POM121C: variants seen among roughly 807,000 people sequenced by gnomAD.
POM121C encodes the protein POM121 transmembrane nucleoporin C.
A neutral mutation model predicts 66.4 loss-of-function variants in POM121C; 20 were observed. The ratio of observed to expected loss-of-function variants is 0.30; its 90% confidence interval spans 0.21 to 0.44. The LOEUF is 0.44. Ranked by LOEUF, POM121C falls within the 20% of genes least tolerant of loss-of-function variation. POM121C has a pLI of 1.00. For missense variants in POM121C, 580 were observed against 1,225.7 expected (o/e 0.47, Z 7.87); for synonymous variants, 286 against 528.0 (o/e 0.54, Z 6.28).
chr7:75,419,259 C>A (rs1789594769), intron 14 of POM121C, 61 bp downstream of exon 14: 2 of 1,541,480 alleles, frequency 1.3e-6, no homozygotes, highest in Non-Finnish European at 1.7e-6. Context: ...CAGGAGCCTG[C>A]CACCCCACCC....
In POM121C at chr7:75,421,960, C is replaced by A. The variant is rs202010067; in HGVS notation, c.2292G>T (p.Gln764His). ...AGTGCGTGGCACCGCCAAAGGTAGG[C>A]TGGATGGGCGTAGGCACGTGCGCAG... ...IVPAHVPTPI[Q>H]PTFGGATHSA... The change falls in exon 13 of 15, where the codon CAG becomes CAT. Residue 764 changes from glutamine to histidine, a missense_variant. Transcript: ENST00000615331. 2.2e-3 allele frequency: 3,482 copies of A among 1,613,264 alleles called. 15 individuals carry two copies. Among genetic ancestry groups the A allele is most frequent in the African/African-American group, 6.8e-3 (513 of 75,064 alleles).
chr7:75,471,763 C>G (rs1384623623), intron 3 of POM121C, among the ~76,000 whole-genome samples: 1 of 152,160 alleles, frequency 6.6e-6, no homozygotes, highest in East Asian at 1.9e-4. Context: ...ACACCTACTA[C>G]GCGCTGTCAC....
In POM121C at chr7:75,477,119, A is replaced by ACACACACACG. The variant is rs1554479501; in HGVS notation, c.-457-1932_-457-1931insCGTGTGTGTG. Among the ~76,000 whole-genome samples, 551 of 150,686 alleles carry ACACACACACG rather than the reference A, an allele frequency of 3.7e-3. 4 individuals carry two copies. The highest frequency in any genetic ancestry group is 0.013 in the African/African-American group (526 of 41,082). On this transcript the variant is annotated intron_variant, in intron 1 of 14. Coordinates refer to ENST00000615331, the MANE Select transcript of POM121C (RefSeq NM_001099415.3). Reference sequence around the variant, plus strand: ...ATACAGTTTGCGTGTATACACACACACACACACACACACACTCTTATGCCT... The same window carrying ACACACACACG: ...ATACAGTTTGCGTGTATACACACACACACACACACGCACACACACACACACTCTTATGCCT...
intron 3 of POM121C, among the ~76,000 whole-genome samples, chr7:75,465,256 A>G (rs1791585784): frequency 6.6e-6 from 1 of 151,804 alleles, no homozygotes; most frequent in Non-Finnish European, 1.5e-5. Context: ...TGGCCTCCCA[A>G]AGTGCTGGGA....
Position 75,449,953 on chromosome 7 carries a change from T to C in POM121C, c.-151-8306A>G, listed in dbSNP as rs1790964974. 2.0e-5 allele frequency among the ~76,000 whole-genome samples: 3 copies of C among 152,056 alleles called. No homozygotes were observed. In the East Asian group the frequency reaches 5.8e-4, roughly 30 times the overall value. Reference sequence around the variant, plus strand: ...TCGCTTGAACCCAGGAGGTGGAGGTTGAGTGAGCCGAGATCGTGCCACTGC... The same window carrying C: ...TCGCTTGAACCCAGGAGGTGGAGGTCGAGTGAGCCGAGATCGTGCCACTGC... On this transcript the variant is annotated intron_variant, in intron 3 of 14. Transcript: ENST00000615331.
chr7:75,461,311 G>A (rs782203270), intron 3 of POM121C, among the ~76,000 whole-genome samples: 60 of 152,032 alleles, frequency 3.9e-4, no homozygotes, highest in Non-Finnish European at 7.4e-4. Context: ...CACCATCATC[G>A]ACCAATGGAA....
chr7:75,465,510 T>G (rs2116495540), intron 3 of POM121C, among the ~76,000 whole-genome samples: 1 of 150,674 alleles, frequency 6.6e-6, no homozygotes, highest in South Asian at 2.1e-4. Flanking sequence ...ATCCCAGCAC[T>G]TTGGGAGGCT....
intron 3 of POM121C, among the ~76,000 whole-genome samples, chr7:75,451,276 CACT>C (rs1272300868): frequency 4.7e-5 from 7 of 150,098 alleles, no homozygotes; most frequent in Admixed American, 4.0e-4. Flanking sequence ...CTTCAAACTA[CACT>C]ACAAGGCTAC....
intron 3 of POM121C, among the ~76,000 whole-genome samples, chr7:75,459,712 G>T (rs1471728643): frequency 1.4e-5 from 2 of 138,966 alleles, no homozygotes; most frequent in African/African-American, 5.3e-5. Context: ...AAAGCAGTAA[G>T]AGGGTAAATA....
intron 1 of POM121C, among the ~76,000 whole-genome samples, chr7:75,485,141 C>G (rs587753096): frequency 5.3e-5 from 8 of 152,204 alleles, no homozygotes; most frequent in Non-Finnish European, 1.2e-4. Flanking sequence ...CACTGCATCC[C>G]GCCCGCATTT....
intron 3 of POM121C, among the ~76,000 whole-genome samples, chr7:75,443,696 TCGAAGG>T (rs1223328817): frequency 1.1e-5 from 1 of 92,728 alleles, no homozygotes; most frequent in Admixed American, 1.3e-4. Flanking sequence ...TCCCAGCACT[TCGAAGG>T]CGGAGGCGGG....
At chr7:75,444,262 G>C (rs1790761919) in intron 3 of POM121C, among the ~76,000 whole-genome samples, 3 of 128,934 alleles carry the variant, frequency 2.3e-5, no homozygotes, top group African/African-American at 7.8e-5. Context: ...AAAAAAGGGG[G>C]GGGGGGGCGG....
chr7:75,477,781 T>C (rs1202820290), intron 1 of POM121C, among the ~76,000 whole-genome samples: 5 of 150,278 alleles, frequency 3.3e-5, no homozygotes, highest in Non-Finnish European at 7.4e-5. Flanking sequence ...AAATAATATA[T>C]ATATTAGAAA....
At chr7:75,429,445 A>AAC (rs1554472081) in intron 7 of POM121C, among the ~76,000 whole-genome samples, 1 of 152,186 alleles carries the variant, frequency 6.6e-6, no homozygotes, top group Non-Finnish European at 1.5e-5. Context: ...CAGCCTGGCC[A>AAC]ACAAGGTGAA....
At chr7:75,470,051 T>C (rs1403095470) in intron 3 of POM121C, among the ~76,000 whole-genome samples, 2 of 151,948 alleles carry the variant, frequency 1.3e-5, no homozygotes, top group African/African-American at 4.8e-5. Context: ...ACTGCAACCT[T>C]AGCCTCCCAG....
At chr7:75,452,536 T>C (rs1554475677) in intron 3 of POM121C, among the ~76,000 whole-genome samples, 1 of 152,216 alleles carries the variant, frequency 6.6e-6, no homozygotes. Context: ...TCAGTTAATA[T>C]GGTAGGCACT....
intron 5 of POM121C, 154 bp downstream of exon 5, chr7:75,440,800 C>G: frequency 7.7e-7 from 1 of 1,302,160 alleles, no homozygotes; most frequent in Admixed American, 2.1e-5. Flanking sequence ...GCATTAAAAC[C>G]CTTGTTATTA....
At position 75,437,398 on chromosome 7, in the gene POM121C, C is replaced by T. The variant is rs1790458065; in HGVS notation, c.480+117G>A. On this transcript the variant is annotated intron_variant, in intron 7 of 14. Coordinates refer to ENST00000615331, the MANE Select transcript of POM121C (RefSeq NM_001099415.3). ...TGAACTCCTGGGCTCAAGCAATCCT[C>T]CCGCTTTGGCCTTCCAAAGTGCTGG... The T allele has an allele frequency of 2.9e-6, 4 of 1,382,054 alleles. No homozygotes were observed. In the South Asian group the frequency reaches 6.5e-5, roughly 22 times the overall value. The allele number at this position is 1,382,054 out of a possible 1,614,324, so 85.6% of individuals were successfully genotyped here.
intron 7 of POM121C, among the ~76,000 whole-genome samples, chr7:75,429,564 G>C (rs2116359800): frequency 6.6e-6 from 1 of 152,234 alleles, no homozygotes; most frequent in South Asian, 2.1e-4. Flanking sequence ...CCGGGAGGTG[G>C]AGGGTGCAGT....
Sources: gnomAD v4.1 joint callset for allele counts (sites outside exome capture counted in the v4.1 genomes callset) on GRCh38, gnomAD v4.1.1 for gene constraint, MANE v1.5 for transcripts, NCBI Gene and HGNC (gene_info 2026-07-23, HGNC 2026-07-21) for gene names.